ZKSCAN4: variants seen among roughly 807,000 people sequenced by gnomAD.
ZKSCAN4 encodes zinc finger protein with KRAB and SCAN domains 4.
ZKSCAN4 carries 23 observed loss-of-function variants against 30.8 expected under a neutral mutation model. That is an observed-to-expected ratio of 0.75 (90% CI 0.54 to 1.06). The LOEUF (loss-of-function observed/expected upper bound fraction) is 1.06. ZKSCAN4 is among the 50% of genes least tolerant of loss of function. ZKSCAN4 has a pLI of 0.00. For missense variants in ZKSCAN4, 556 were observed against 665.4 expected (o/e 0.84, Z 1.81); for synonymous variants, 208 against 252.5 (o/e 0.82, Z 1.67).
At chr6:28,246,408 A>C (rs1760734587) in intron 4 of ZKSCAN4, among the ~76,000 whole-genome samples, 1 of 152,106 alleles carries the variant, frequency 6.6e-6, no homozygotes, top group Non-Finnish European at 1.5e-5. Context: ...TCGATCAATG[A>C]CATGGACCGT....
rs1365197445 is a variant in ZKSCAN4 at position 28,243,120 on chromosome 6, AATAAC to A, written c.*1991_*1995del. Reference sequence around the variant, plus strand: ...AAAAGGAAATGGCTAGCTTTGTGGAAATAACATAAATAAAGCTGATTTTAAAGAAA... The same window carrying A: ...AAAAGGAAATGGCTAGCTTTGTGGAAATAAATAAAGCTGATTTTAAAGAAA... On this transcript the variant is annotated 3_prime_UTR_variant, in exon 5 of 5. Coordinates refer to ENST00000377294, the MANE Select transcript of ZKSCAN4 (RefSeq NM_019110.5). Among the ~76,000 whole-genome samples the A allele has an allele frequency of 4.6e-5, 7 of 152,228 alleles. No homozygotes were observed. The highest frequency in any genetic ancestry group is 1.7e-4 in the African/African-American group (7 of 41,456).
chr6:28,246,884 G>A (rs781263342), intron 4 of ZKSCAN4, 85 bp downstream of exon 4: 2 of 1,425,582 alleles, frequency 1.4e-6, no homozygotes, highest in Middle Eastern at 1.9e-4. Flanking sequence ...CATAATGGGG[G>A]CTTAACAGCT....
At position 28,246,985 on chromosome 6, in the gene ZKSCAN4, G is replaced by A. The variant is rs775151552; in HGVS notation, c.762C>T (p.Ser254=). The change falls in exon 4 of 5, where the codon AGC becomes AGT. Residue 254 remains serine, a synonymous_variant. Transcript: ENST00000377294. ...CAGTCTTACCAAGGGAGACCAGGCT[G>A]CTATGGTTCTCCTGCTTTTCATCTC... ...LYRDEKQENH[S]SLVSLGGEIQ... 19 of 1,611,722 alleles carry A rather than the reference G, an allele frequency of 1.2e-5. No homozygotes were observed. The South Asian group carries it at 1.5e-4, about 13-fold the overall frequency.
rs1760519029 is a variant in ZKSCAN4, at chr6:28,242,119, G to C, written c.*2997C>G. Among the ~76,000 whole-genome samples the C allele has an allele frequency of 6.6e-6, 1 of 152,106 alleles. No homozygotes were observed. Among genetic ancestry groups the C allele is most frequent in the South Asian group, 2.1e-4 (1 of 4,824 alleles). ...CTGCTTCAGTTACAGAAATGAAATA[G>C]AATGGCAGACTAGTCACCACTAAAA... On this transcript the variant is annotated 3_prime_UTR_variant, in exon 5 of 5. Transcript: ENST00000377294.
the ZKSCAN4 span, among the ~76,000 whole-genome samples, chr6:28,259,149 G>A: frequency 6.6e-6 from 1 of 152,206 alleles, no homozygotes; most frequent in Non-Finnish European, 1.5e-5. Context: ...GGGAATATAA[G>A]TCCTAAAAAC....
Position 28,245,546 on chromosome 6 carries a change from G to A in ZKSCAN4, c.1208C>T (p.Pro403Leu), listed in dbSNP as rs1339713052. The change falls in exon 5 of 5, where the codon CCC becomes CTC. Residue 403 changes from proline to leucine, a missense_variant. Pro to Leu is a moderately conservative substitution (Grantham distance 98). This residue lies in a region of ZKSCAN4 where 433 missense variants were observed against 511.5 expected (regional missense o/e 0.85). Transcript: ENST00000377294. Reference protein sequence around the residue: ...KHQRTHTGEKPYECDDCGKTF... With the variant: ...KHQRTHTGEKLYECDDCGKTF... ...CTTCCCACAGTCATCACACTCATAG[G>A]GCTTCTCCCCAGTGTGGGTTCTCTG... is the stretch of plus-strand genomic sequence containing the variant. 1.2e-6 allele frequency: 2 copies of A among 1,614,168 alleles called. No homozygotes were observed. The highest frequency in any genetic ancestry group is 3.3e-5 in the Admixed American group (2 of 60,016).
At chr6:28,248,846 AAAAAAG>A (rs1276547899) in intron 2 of ZKSCAN4, among the ~76,000 whole-genome samples, 6 of 126,218 alleles carry the variant, frequency 4.8e-5, no homozygotes, top group Non-Finnish European at 9.6e-5. Flanking sequence ...AAAAAAAAAG[AAAAAAG>A]AAAAAGAAAA....
chr6:28,253,447 C>A (rs1345155655), upstream of ZKSCAN4, among the ~76,000 whole-genome samples: 4 of 152,144 alleles, frequency 2.6e-5, no homozygotes, highest in Non-Finnish European at 4.4e-5. The surrounding 1 kb of genome is among the most constrained non-coding windows in gnomAD (Gnocchi z 4.2). Flanking sequence ...AAAAATACTA[C>A]AAAATATCTT....
rs541246666 is a variant in ZKSCAN4, at chr6:28,243,810, G to T, written c.*1306C>A. 1.3e-5 allele frequency among the ~76,000 whole-genome samples: 2 copies of T among 151,982 alleles called. No individual in the cohort carries two copies. Among genetic ancestry groups the T allele is most frequent in the Admixed American group, 1.3e-4 (2 of 15,256 alleles). ...CTCCCAAGTAGCAGGGATTACAGGCGTGTGTCACCATGCCTGGCTAATTTT... is the reference window on the plus strand; with the variant it reads ...CTCCCAAGTAGCAGGGATTACAGGCTTGTGTCACCATGCCTGGCTAATTTT... On this transcript the variant is annotated 3_prime_UTR_variant, in exon 5 of 5. Transcript: ENST00000377294.
In ZKSCAN4 at chr6:28,249,443, T is replaced by A. The variant is rs1760891042; in HGVS notation, c.571+244A>T. Reference sequence around the variant, plus strand: ...CCTAAATATATCTAATGAATGGAGATCACCATGTTGTTTAAAAAACCGATT... The same window carrying A: ...CCTAAATATATCTAATGAATGGAGAACACCATGTTGTTTAAAAAACCGATT... On this transcript the variant is annotated intron_variant, in intron 2 of 4. Coordinates refer to ENST00000377294, the MANE Select transcript of ZKSCAN4 (RefSeq NM_019110.5). This position sits in a 1 kb window ranked among gnomAD's most constrained non-coding sequence, Gnocchi z 4.1. Among the ~76,000 whole-genome samples the A allele has an allele frequency of 6.6e-6, 1 of 152,190 alleles. No homozygotes were observed. Among genetic ancestry groups the A allele is most frequent in the African/African-American group, 2.4e-5 (1 of 41,436 alleles).
upstream of ZKSCAN4, among the ~76,000 whole-genome samples, chr6:28,255,881 T>G (rs1301064725): frequency 6.6e-6 from 1 of 152,072 alleles, no homozygotes; most frequent in Non-Finnish European, 1.5e-5. Flanking sequence ...AATCCTTCAT[T>G]AGAAAACTAA....
chr6:28,248,102 C>T lies in ZKSCAN4; in HGVS notation c.619G>A (p.Ala207Thr). 3.7e-6 allele frequency: 6 copies of T among 1,613,724 alleles called. No homozygotes were observed. Among genetic ancestry groups the T allele is most frequent in the Non-Finnish European group, 4.2e-6 (5 of 1,179,810 alleles). The change falls in exon 3 of 5, where the codon GCA becomes ACA. Residue 207 changes from alanine to threonine, a missense_variant. Physicochemically the swap from Ala to Thr is moderately conservative, Grantham distance 58 (BLOSUM62 0). This residue lies in a region of ZKSCAN4 where 433 missense variants were observed against 511.5 expected (regional missense o/e 0.85). Coordinates refer to ENST00000377294, the MANE Select transcript of ZKSCAN4 (RefSeq NM_019110.5). ...GGAGTGAGCCTGGAAGCTACCATTG[C>T]ATCTTCTCTGCAGCACCCTCCCTGG... ...LAQGGCCRED[A>T]MVASRLTPGS...
Position 28,251,984 on chromosome 6 carries a change from G to T in ZKSCAN4, c.-4C>A. 3 of 1,516,860 alleles carry T rather than the reference G, an allele frequency of 2.0e-6. No homozygotes were observed. The South Asian group carries it at 4.1e-5, about 21-fold the overall frequency. 94.0% of individuals were successfully genotyped at this position (1,516,860 alleles called of 1,614,324 possible). Reference sequence around the variant, plus strand: ...TTTTTCTCGGTTCTCTAGCCATTCTGACCCAAGGCAGTACTCGGGTCTCAC... The same window carrying T: ...TTTTTCTCGGTTCTCTAGCCATTCTTACCCAAGGCAGTACTCGGGTCTCAC... On this transcript the variant is annotated 5_prime_UTR_variant, in exon 1 of 5. Coordinates refer to ENST00000377294, the MANE Select transcript of ZKSCAN4 (RefSeq NM_019110.5). This position sits in a 1 kb window ranked among gnomAD's most constrained non-coding sequence, Gnocchi z 4.5.
At chr6:28,250,163 G>A (rs1760929546) in intron 1 of ZKSCAN4, among the ~76,000 whole-genome samples, 1 of 151,954 alleles carries the variant, frequency 6.6e-6, no homozygotes, top group African/African-American at 2.4e-5. Context: ...CGCCTCCGGG[G>A]TTCAAGCAAT....
At chr6:28,247,138 C>T in intron 3 of ZKSCAN4, 46 bp from the exon 4 acceptor site, 2 of 1,527,010 alleles carry the variant, frequency 1.3e-6, no homozygotes, top group Non-Finnish European at 1.8e-6. Context: ...CCCAAAATTA[C>T]CCCCAAAGCA....
At position 28,243,804 on chromosome 6, in the gene ZKSCAN4, A is replaced by G. The variant is rs145380951; in HGVS notation, c.*1312T>C. Among the ~76,000 whole-genome samples, 5,359 of 152,046 alleles carry G rather than the reference A, an allele frequency of 0.035. 136 individuals are homozygous for G. The highest frequency in any genetic ancestry group is 0.053 in the Non-Finnish European group (3,629 of 67,980). ...CTCAGCCTCCCAAGTAGCAGGGATT[A>G]CAGGCGTGTGTCACCATGCCTGGCT... On this transcript the variant is annotated 3_prime_UTR_variant, in exon 5 of 5. Transcript: ENST00000377294.
chr6:28,248,159 AAAG>A lies in ZKSCAN4; in HGVS notation c.572-13_572-11del, dbSNP rs757891608. 3.7e-6 allele frequency: 6 copies of A among 1,610,842 alleles called. No individual in the cohort carries two copies. Among genetic ancestry groups the A allele is most frequent in the Non-Finnish European group, 5.1e-6 (6 of 1,178,188 alleles). ...CCAGGAACCTGGAGAACTAAGAAAG[AAAG>A]AAGCTCTGGATGAGAACTACCCTAG... is the stretch of plus-strand genomic sequence containing the variant. On this transcript the variant is annotated splice_polypyrimidine_tract_variant and intron_variant, in intron 2 of 4. Coordinates refer to ENST00000377294, the MANE Select transcript of ZKSCAN4 (RefSeq NM_019110.5).
chr6:28,246,002 T>C, intron 4 of ZKSCAN4, 27 bp from the exon 5 acceptor site: 2 of 1,614,086 alleles, frequency 1.2e-6, no homozygotes, highest in South Asian at 2.2e-5. Flanking sequence ...CCGGCAACTG[T>C]GGGTTATGCC....
upstream of ZKSCAN4, among the ~76,000 whole-genome samples, chr6:28,253,952 A>T (rs1452156622): frequency 6.6e-6 from 1 of 152,186 alleles, no homozygotes; most frequent in Non-Finnish European, 1.5e-5. The surrounding 1 kb of genome is among the most constrained non-coding windows in gnomAD (Gnocchi z 4.2). Flanking sequence ...ACGCCTGGCC[A>T]ACTTTCCTAG....
Sources: gnomAD v4.1 joint callset for allele counts (sites outside exome capture counted in the v4.1 genomes callset) on GRCh38, gnomAD v4.1.1 for gene constraint, gnomAD v4.1.1 regional missense constraint, Gnocchi (gnomAD v3.1) non-coding constraint, MANE v1.5 for transcripts, NCBI Gene and HGNC (gene_info 2026-07-23, HGNC 2026-07-21) for gene names.